The following MTDH variants were observed in gnomAD, a reference collection of about 807,000 sequenced individuals.
MTDH encodes protein LYRIC.
Under a neutral mutation model 72.7 loss-of-function variants are expected in MTDH, and 34 were observed. The observed-to-expected ratio is 0.47, with a 90% CI of 0.36 to 0.62. MTDH has a LOEUF of 0.62. Ranked by LOEUF, MTDH falls within the 20% of genes least tolerant of loss-of-function variation. The pLI is 0.00. For synonymous variants in MTDH, 266 were observed against 268.9 expected, an observed-to-expected ratio of 0.99 and a Z score of 0.10; for missense variants, 677 against 699.4, an observed-to-expected ratio of 0.97 and a Z score of 0.36.
Position 97,728,819 on chromosome 8 carries a change from G to A in MTDH, c.*4149G>A, listed in dbSNP as rs1274118898. Reference sequence around the variant, plus strand: ...TTGTTTCTCTTTCATATTAAAGTTTGGGAAGGCAATCCAGAGCCCATATGA... The same window carrying A: ...TTGTTTCTCTTTCATATTAAAGTTTAGGAAGGCAATCCAGAGCCCATATGA... On this transcript the variant is annotated 3_prime_UTR_variant, in exon 12 of 12. Coordinates refer to ENST00000336273, the MANE Select transcript of MTDH (RefSeq NM_178812.4). The A allele has an allele frequency of 6.7e-6, 1 of 150,230 alleles. No individual in the cohort carries two copies. Among genetic ancestry groups the A allele is most frequent in the East Asian group, 1.9e-4 (1 of 5,154 alleles). The allele number at this position is 150,230 out of a possible 1,614,324, so 9.3% of individuals were successfully genotyped here.
intron 2 of MTDH, among the ~76,000 whole-genome samples, chr8:97,663,034 G>A (rs1404656673): frequency 1.3e-5 from 2 of 152,062 alleles, no homozygotes; most frequent in African/African-American, 4.8e-5. Context: ...TGTAACATAA[G>A]GAGTGTGAGT....
At chr8:97,644,954 G>C in intron 1 of MTDH, 67 bp downstream of exon 1, 1 of 1,458,118 alleles carries the variant, frequency 6.9e-7, no homozygotes, top group African/African-American at 1.5e-5. Flanking sequence ...CGAGCTTGGG[G>C]GAGGCCGCGC....
At chr8:97,657,228 A>C (rs995649437) in intron 1 of MTDH, among the ~76,000 whole-genome samples, 4 of 152,234 alleles carry the variant, frequency 2.6e-5, no homozygotes, top group African/African-American at 9.6e-5. Context: ...GATGTCTACA[A>C]GGAGTTTATC....
chr8:97,682,400 G>C (rs1249391386), intron 2 of MTDH, among the ~76,000 whole-genome samples: 7 of 139,620 alleles, frequency 5.0e-5, no homozygotes, highest in African/African-American at 1.9e-4. Context: ...CCAGGTTCAA[G>C]CGATTCTCCT....
At chr8:97,678,986 T>A (rs768335147) in intron 2 of MTDH, among the ~76,000 whole-genome samples, 4 of 152,172 alleles carry the variant, frequency 2.6e-5, no homozygotes, top group Admixed American at 2.6e-4. Flanking sequence ...CGTTTGTACG[T>A]TAGATGTGAA....
At chr8:97,724,484 A>G in intron 11 of MTDH, 116 bp from the exon 12 acceptor site, 5 of 690,924 alleles carry the variant, frequency 7.2e-6, no homozygotes, top group Non-Finnish European at 9.3e-6. Flanking sequence ...ACTTAAACAT[A>G]AAATTTGAGT....
chr8:97,702,200 A>G (rs919778309), intron 7 of MTDH, among the ~76,000 whole-genome samples: 3 of 152,184 alleles, frequency 2.0e-5, no homozygotes, highest in African/African-American at 7.2e-5. Context: ...CTTGACCATA[A>G]AGGAACAGCA....
chr8:97,703,149 G>A (rs1313230444), intron 7 of MTDH, among the ~76,000 whole-genome samples: 1 of 152,042 alleles, frequency 6.6e-6, no homozygotes. Context: ...AGGATTTCTT[G>A]AGCCCACGCG....
At position 97,687,585 on chromosome 8, in the gene MTDH, T is replaced by A; in HGVS notation, c.725T>A (p.Val242Asp). ...CAACTTACAACCGCATCATTTCCTG[T>A]TGGTTCCAAGAAGAATAAAGGTATA... ...TEQLTTASFP[V>D]GSKKNKGDSH... The change falls in exon 4 of 12, where the codon GTT (valine) becomes GAT (aspartate). Residue 242 changes from valine (V) to aspartate (D), a missense_variant. Transcript: ENST00000336273. The A allele has an allele frequency of 6.2e-7, 1 of 1,609,178 alleles. No homozygotes were observed. Among genetic ancestry groups the A allele is most frequent in the South Asian group, 1.1e-5 (1 of 90,176 alleles).
intron 2 of MTDH, among the ~76,000 whole-genome samples, chr8:97,672,083 T>C (rs1468582576): frequency 6.6e-6 from 1 of 152,226 alleles, no homozygotes; most frequent in Non-Finnish European, 1.5e-5. Flanking sequence ...CCCTCCATAA[T>C]GCATCTTAGA....
intron 1 of MTDH, among the ~76,000 whole-genome samples, chr8:97,656,143 A>T (rs544973751): frequency 5.4e-4 from 82 of 152,228 alleles, no homozygotes; most frequent in Middle Eastern, 3.4e-3. Flanking sequence ...CTAGAAATAC[A>T]GTTTACGTAA....
At chr8:97,691,896 T>G (rs1213230504) in intron 6 of MTDH, among the ~76,000 whole-genome samples, 2 of 152,136 alleles carry the variant, frequency 1.3e-5, no homozygotes, top group Non-Finnish European at 2.9e-5. Flanking sequence ...TTGTTTGTTT[T>G]TTTAATGGAG....
chr8:97,717,603 T>C (rs1013625613), intron 9 of MTDH, among the ~76,000 whole-genome samples: 1 of 150,120 alleles, frequency 6.7e-6, no homozygotes, highest in Non-Finnish European at 1.5e-5. Flanking sequence ...TGATATTCTT[T>C]ATGTATAATA....
intron 10 of MTDH, 121 bp downstream of exon 10, chr8:97,719,310 T>C (rs1815011417): frequency 1.0e-6 from 1 of 953,392 alleles, no homozygotes; most frequent in Non-Finnish European, 1.5e-6. Context: ...CTGGCCAACA[T>C]AGTGAAACCC....
At chr8:97,715,837 A>G (rs2131072735) in intron 9 of MTDH, among the ~76,000 whole-genome samples, 1 of 152,316 alleles carries the variant, frequency 6.6e-6, no homozygotes, top group South Asian at 2.1e-4. Context: ...GTATTCTGAA[A>G]TGTTTAACGT....
intron 2 of MTDH, among the ~76,000 whole-genome samples, chr8:97,663,980 G>T (rs939726789): frequency 1.3e-5 from 2 of 152,070 alleles, no homozygotes; most frequent in Non-Finnish European, 2.9e-5. Context: ...AATCCTCTCA[G>T]AAACTCTGCC....
intron 1 of MTDH, among the ~76,000 whole-genome samples, chr8:97,658,016 G>A (rs1194807110): frequency 6.6e-6 from 1 of 152,138 alleles, no homozygotes; most frequent in African/African-American, 2.4e-5. Context: ...GGACACATTG[G>A]CTCTGCTGTA....
chr8:97,675,020 G>A (rs1489410047), intron 2 of MTDH, among the ~76,000 whole-genome samples: 1 of 152,014 alleles, frequency 6.6e-6, no homozygotes, highest in Non-Finnish European at 1.5e-5. Flanking sequence ...ATGTTGCCCA[G>A]GCTGGTCTTG....
intron 1 of MTDH, among the ~76,000 whole-genome samples, chr8:97,649,503 C>G (rs932925595): frequency 6.6e-6 from 1 of 152,232 alleles, no homozygotes; most frequent in South Asian, 2.1e-4. Context: ...TCTTCATGAT[C>G]TAACCCTACC....
Sources: allele counts gnomAD v4.1 joint callset (sites outside exome capture counted in the v4.1 genomes callset), GRCh38; gene constraint gnomAD v4.1.1; transcripts MANE v1.5; gene names NCBI Gene and HGNC (gene_info 2026-07-23, HGNC 2026-07-21).